SPATS1: variants seen among roughly 807,000 people sequenced by gnomAD.
SPATS1 encodes the protein spermatogenesis associated serine rich 1, also known as spermatogenesis-associated serine-rich protein 1.
Under a neutral mutation model 33.6 loss-of-function variants are expected in SPATS1, and 23 were observed. The ratio of observed to expected loss-of-function variants is 0.68; its 90% CI spans 0.49 to 0.97. The LOEUF (loss-of-function observed/expected upper bound fraction) is 0.97, where lower values mean the gene tolerates loss of function less well. Ranked by LOEUF, SPATS1 falls within the 50% of genes least tolerant of loss-of-function variation. The pLI is 0.00. For missense variants in SPATS1, 327 were observed against 361.0 expected (o/e 0.91, Z 0.76); for synonymous variants, 131 against 125.6 (o/e 1.04, Z -0.29).
chr6:44,371,527 G>A (rs1318958119), intron 7 of SPATS1, among the ~76,000 whole-genome samples: 1 of 152,162 alleles, frequency 6.6e-6, no homozygotes, highest in Admixed American at 6.5e-5. Flanking sequence ...TTTGCTGTTA[G>A]TCCTATCCAG....
intron 6 of SPATS1, 44 bp downstream of exon 6, chr6:44,368,543 G>A (rs1405056134): frequency 6.4e-7 from 1 of 1,560,476 alleles, no homozygotes; most frequent in Admixed American, 1.8e-5. Context: ...AACTTTAAAG[G>A]AATTGTGTCT....
chr6:44,365,583 A>C (rs1255775365), intron 5 of SPATS1, among the ~76,000 whole-genome samples: 8 of 152,216 alleles, frequency 5.3e-5, no homozygotes, highest in Admixed American at 5.2e-4. Context: ...TAGAAGGGTA[A>C]AGAGAAAATG....
chr6:44,369,618 T>C (rs1489240378), intron 6 of SPATS1, among the ~76,000 whole-genome samples: 1 of 152,114 alleles, frequency 6.6e-6, no homozygotes, highest in Non-Finnish European at 1.5e-5. Flanking sequence ...ATGCCTGTAA[T>C]CCTAGCACTT....
At chr6:44,349,954 G>A (rs1410978758) in intron 2 of SPATS1, among the ~76,000 whole-genome samples, 1 of 152,156 alleles carries the variant, frequency 6.6e-6, no homozygotes, top group Non-Finnish European at 1.5e-5. Context: ...TGGTATATGG[G>A]TGGTTCTTCC....
chr6:44,370,621 TC>T (rs1203023066), intron 7 of SPATS1, among the ~76,000 whole-genome samples: 2 of 152,186 alleles, frequency 1.3e-5, no homozygotes, highest in Admixed American at 1.3e-4. Context: ...AGAGATATTT[TC>T]TTTTCTTTCT....
chr6:44,375,585 G>A (rs948299282), intron 7 of SPATS1, among the ~76,000 whole-genome samples: 1 of 152,158 alleles, frequency 6.6e-6, no homozygotes, highest in African/African-American at 2.4e-5. Context: ...CAAGGTGGGA[G>A]GATCATTTGG....
chr6:44,360,318 C>T, intron 3 of SPATS1, 128 bp from the exon 4 acceptor site: 1 of 1,183,134 alleles, frequency 8.5e-7, no homozygotes, highest in Non-Finnish European at 1.2e-6. Flanking sequence ...AAATGATATG[C>T]TCAAGGACTT....
At chr6:44,349,045 C>G (rs185839032) in intron 2 of SPATS1, among the ~76,000 whole-genome samples, 1 of 151,706 alleles carries the variant, frequency 6.6e-6, no homozygotes, top group Non-Finnish European at 1.5e-5. Flanking sequence ...ACAGGAGAAT[C>G]GCTTGAACCC....
chr6:44,361,903 A>T lies in SPATS1; in HGVS notation c.485A>T (p.Lys162Met). 1 of 1,614,256 alleles carries T rather than the reference A, an allele frequency of 6.2e-7. No homozygotes were observed. The highest frequency in any genetic ancestry group is 8.5e-7 in the Non-Finnish European group (1 of 1,180,044). The change falls in exon 5 of 9, where the codon AAG (lysine) becomes ATG (methionine). Residue 162 changes from lysine (K) to methionine (M), a missense_variant. Physicochemically the swap from Lys to Met is moderately conservative, Grantham distance 95. Coordinates refer to ENST00000674044, the MANE Select transcript of SPATS1 (RefSeq NM_001372081.1). ...SSNIHTYHVG[K>M]QCFFNGVFLG... The stretch of plus-strand genomic sequence containing the variant: ...AACATCCACACCTACCACGTCGGAA[A>T]GCAGTGCTTCTTTAATGGAGTCTTC...
rs757737686 is a variant in SPATS1 at position 44,368,363 on chromosome 6, C to T, written c.575-16C>T. 1 of 1,609,978 alleles carries T rather than the reference C, an allele frequency of 6.2e-7. No homozygotes were observed. The highest frequency in any genetic ancestry group is 2.2e-5 in the East Asian group (1 of 44,804). On this transcript the variant is annotated splice_polypyrimidine_tract_variant and intron_variant, in intron 5 of 8. Transcript: ENST00000674044. ...TTCAGCCCTTGTATGATTTTGTTTT[C>T]AAACCTTCTCCACAGATATTGATCC...
At chr6:44,362,352 A>T (rs1788972552) in intron 5 of SPATS1, among the ~76,000 whole-genome samples, 1 of 152,232 alleles carries the variant, frequency 6.6e-6, no homozygotes, top group Non-Finnish European at 1.5e-5. Flanking sequence ...TTTAAATTGT[A>T]CTTTATATTC....
intron 7 of SPATS1, among the ~76,000 whole-genome samples, chr6:44,375,144 T>C (rs1789851661): frequency 6.6e-6 from 1 of 152,180 alleles, no homozygotes; most frequent in African/African-American, 2.4e-5. Context: ...GGTATCTGCA[T>C]TAGCCAAGGT....
intron 2 of SPATS1, among the ~76,000 whole-genome samples, chr6:44,344,680 T>C (rs1025099772): frequency 7.7e-6 from 1 of 130,546 alleles, no homozygotes; most frequent in African/African-American, 3.1e-5. Flanking sequence ...GCTTTGGTTA[T>C]GTAAGGTGTT....
At chr6:44,357,107 A>G (rs2153366935) in intron 3 of SPATS1, among the ~76,000 whole-genome samples, 1 of 152,274 alleles carries the variant, frequency 6.6e-6, no homozygotes, top group South Asian at 2.1e-4. Flanking sequence ...TATGAACTGC[A>G]AGTCCTCCAG....
intron 7 of SPATS1, among the ~76,000 whole-genome samples, chr6:44,370,449 A>G (rs753325503): frequency 6.6e-5 from 10 of 152,184 alleles, no homozygotes; most frequent in Non-Finnish European, 1.2e-4. Flanking sequence ...CACATACTTA[A>G]ATGATTGCAA....
intron 6 of SPATS1, among the ~76,000 whole-genome samples, chr6:44,369,742 T>C (rs1225697056): frequency 2.0e-5 from 3 of 151,762 alleles, no homozygotes; most frequent in Non-Finnish European, 2.9e-5. Flanking sequence ...CATGGTGGTG[T>C]GTGCCTATAA....
intron 7 of SPATS1, among the ~76,000 whole-genome samples, chr6:44,371,674 G>A (rs1360312572): frequency 2.6e-5 from 4 of 152,028 alleles, no homozygotes; most frequent in Admixed American, 6.6e-5. Context: ...GGCTGGGCGC[G>A]GTGGCTCATG....
intron 2 of SPATS1, among the ~76,000 whole-genome samples, chr6:44,352,471 T>C (rs1019133655): frequency 6.6e-6 from 1 of 152,154 alleles, no homozygotes; most frequent in Non-Finnish European, 1.5e-5. Flanking sequence ...TATGCAATCA[T>C]AGGCAAGTTT....
At chr6:44,371,144 T>A (rs749388115) in intron 7 of SPATS1, among the ~76,000 whole-genome samples, 27 of 151,344 alleles carry the variant, frequency 1.8e-4, no homozygotes, top group African/African-American at 5.3e-4. Context: ...ATATTTTTTT[T>A]AAAAATTAGC....
Sources: allele counts gnomAD v4.1 joint callset (sites outside exome capture counted in the v4.1 genomes callset), GRCh38; gene constraint gnomAD v4.1.1; transcripts MANE v1.5; gene names NCBI Gene and HGNC (gene_info 2026-07-23, HGNC 2026-07-21).